Variants in KCNH2 observed in about 807,000 individuals in gnomAD.
KCNH2 encodes the protein potassium voltage-gated channel subfamily H member 2, also known as voltage-gated inwardly rectifying potassium channel KCNH2.
In KCNH2, 35 loss-of-function variants were observed where a neutral mutation model predicts 95.9. That is an observed-to-expected ratio of 0.37 (90% CI 0.28 to 0.48). KCNH2 has a LOEUF of 0.48. Among genes scored for constraint, KCNH2 ranks in the 20% least tolerant of loss-of-function variants. The pLI, the probability that KCNH2 is intolerant of heterozygous loss-of-function variation, is 0.99. For synonymous variants in KCNH2, 786 were observed against 754.7 expected (o/e 1.04, Z -0.68); for missense variants, 1,274 against 1,702.9 (o/e 0.75, Z 4.43).
chr7:150,959,273 C>A (rs554372972), intron 3 of KCNH2, among the ~76,000 whole-genome samples: 1 of 152,128 alleles, frequency 6.6e-6, no homozygotes, highest in Admixed American at 6.5e-5. Context: ...GAGAGAGGAC[C>A]GCTCCCAGGG....
At chr7:150,948,584 C>T (rs1259970971) in intron 10 of KCNH2, 41 bp from the exon 11 acceptor site, 1 of 1,552,222 alleles carries the variant, frequency 6.4e-7, no homozygotes, top group South Asian at 1.1e-5. Flanking sequence ...CAGTGCTCTC[C>T]TGCCCCACCG....
At chr7:150,951,286 C>T in intron 7 of KCNH2, 162 bp downstream of exon 7, 4 of 1,073,020 alleles carry the variant, frequency 3.7e-6, no homozygotes, top group Non-Finnish European at 5.5e-6. Context: ...CTTCAGTAGT[C>T]CCCGCCCTGG....
chr7:150,946,821 TG>T lies in KCNH2; in HGVS notation c.3330+55del. On this transcript the variant is annotated intron_variant, in intron 14 of 14. Coordinates refer to ENST00000262186, the MANE Select transcript of KCNH2 (RefSeq NM_000238.4). This position sits in a 1 kb window ranked among gnomAD's most constrained non-coding sequence, Gnocchi z 6.5. ...GAAAGGCAGCAAAGCAGGTTTGGGCTGGAATCGGGGAACAAGCGGGTCACGG... is the reference window on the plus strand; with the variant it reads ...GAAAGGCAGCAAAGCAGGTTTGGGCTGAATCGGGGAACAAGCGGGTCACGG... 6.6e-7 allele frequency: 1 copy of T among 1,516,642 alleles called. No homozygotes were observed. The highest frequency in any genetic ancestry group is 9.0e-7 in the Non-Finnish European group (1 of 1,109,060). 93.9% of individuals were successfully genotyped at this position (1,516,642 alleles called of 1,614,324 possible). A position where few individuals can be genotyped will look rare whatever the true frequency, so the allele number is the denominator to read the frequency against.
chr7:150,950,780 G>A, intron 8 of KCNH2, 141 bp downstream of exon 8: 1 of 898,896 alleles, frequency 1.1e-6, no homozygotes, highest in East Asian at 2.6e-5. Context: ...TTTCCTCATG[G>A]GCAAAAAGGG....
Position 150,955,403 on chromosome 7 carries a change from G to A in KCNH2, c.1128+1888C>T, listed in dbSNP as rs1031478932. The A allele has an allele frequency of 1.3e-6, 2 of 1,559,254 alleles. No homozygotes were observed. Among genetic ancestry groups the A allele is most frequent in the Admixed American group, 1.9e-5 (1 of 52,686 alleles). ...GGACCGGGTGTCACCTACCTCCTGG[G>A]CCACGAGGCTGGAGATGCGCACGGC... On this transcript the variant is annotated intron_variant, in intron 5 of 14. Transcript: ENST00000262186.
Position 150,961,438 on chromosome 7 carries a change from C to T in KCNH2, c.308-1702G>A, listed in dbSNP as rs1801564592. 6.6e-6 allele frequency among the ~76,000 whole-genome samples: 1 copy of T among 152,134 alleles called. No individual in the cohort carries two copies. Among genetic ancestry groups the T allele is most frequent in the African/African-American group, 2.4e-5 (1 of 41,396 alleles). On this transcript the variant is annotated intron_variant, in intron 2 of 14. Transcript: ENST00000262186. This position sits in a 1 kb window ranked among gnomAD's most constrained non-coding sequence, Gnocchi z 6.2. ...TCAGCCTCCCAAGTAGCTGGGACTA[C>T]AGCTGCATGCTACCACACCCAGCTA...
intron 9 of KCNH2, 135 bp from the exon 10 acceptor site, chr7:150,949,184 C>A: frequency 9.0e-7 from 1 of 1,105,240 alleles, no homozygotes; most frequent in Non-Finnish European, 1.3e-6. Flanking sequence ...GCCCCCAACC[C>A]ACACAACCGG....
At position 150,961,823 on chromosome 7, in the gene KCNH2, T is replaced by A. The variant is rs985016508; in HGVS notation, c.308-2087A>T. Among the ~76,000 whole-genome samples the A allele has an allele frequency of 6.6e-6, 1 of 151,960 alleles. No individual in the cohort carries two copies. The highest frequency in any genetic ancestry group is 6.6e-5 in the Admixed American group (1 of 15,262). The stretch of plus-strand genomic sequence containing the variant: ...CTGGGGAGGCAGGGAGCAGGCCAGG[T>A]GGGAAGGGCCTGATGCATGGCAGAT... On this transcript the variant is annotated intron_variant, in intron 2 of 14. Transcript: ENST00000262186. The surrounding 1 kb of genome is among the most constrained non-coding windows in gnomAD (Gnocchi z 6.2).
At chr7:150,949,990 G>C (rs41314366) in intron 9 of KCNH2, 178 bp downstream of exon 9, 1 of 1,553,936 alleles carries the variant, frequency 6.4e-7, no homozygotes, top group African/African-American at 1.4e-5. Flanking sequence ...CTCACCCCAC[G>C]TGGGGCTCCT....
chr7:150,971,431 T>G (rs1319912095), intron 2 of KCNH2, among the ~76,000 whole-genome samples: 1 of 152,096 alleles, frequency 6.6e-6, no homozygotes, highest in Non-Finnish European at 1.5e-5. Context: ...GCAACTGGCC[T>G]GCAGCTGGAG....
chr7:150,966,236 G>C (rs868609058), intron 2 of KCNH2, among the ~76,000 whole-genome samples: 4 of 152,224 alleles, frequency 2.6e-5, no homozygotes, highest in Non-Finnish European at 5.9e-5. Context: ...TGAGTGGCCT[G>C]TAGGCTTCTA....
At position 150,958,101 on chromosome 7, in the gene KCNH2, G is replaced by A. The variant is rs1196644896; in HGVS notation, c.874C>T (p.Arg292Cys). The A allele has an allele frequency of 2.3e-6, 3 of 1,289,658 alleles. No individual in the cohort carries two copies. Among genetic ancestry groups the A allele is most frequent in the Non-Finnish European group, 2.9e-6 (3 of 1,022,872 alleles). The allele number at this position is 1,289,658 out of a possible 1,614,324, so 79.9% of individuals were successfully genotyped here. ...ASSADDIEAM[R>C]AGVLPPPPRH... is the part of the protein sequence containing the mutation. ...GGTGGCGGGGGCAGCACCCCGGCGC[G>A]CATGGCCTCGATGTCGTCGGCCGAC... Residue 292 changes from arginine to cysteine, a missense_variant, in exon 4 of 15, where the codon CGC (arginine) becomes TGC (cysteine). Physicochemically the swap from Arg to Cys is radical, Grantham distance 180. This residue lies in a region of KCNH2 where 392 missense variants were observed against 429.9 expected (regional missense o/e 0.91). Transcript: ENST00000262186.
At chr7:150,974,645 C>T in intron 2 of KCNH2, 66 bp downstream of exon 2, 1 of 1,293,968 alleles carries the variant, frequency 7.7e-7, no homozygotes, top group South Asian at 1.3e-5. Context: ...GCACCCTGCC[C>T]CTCGCCGTGG....
Position 150,948,643 on chromosome 7 carries a change from C to T in KCNH2, c.2593-100G>A, listed in dbSNP as rs190900094. On this transcript the variant is annotated intron_variant, in intron 10 of 14. Transcript: ENST00000262186. ...TTAACACAGAAAAAGTAGGGCTGGGCGCCCCAGCTCTGGGAAAACCCTTCC... is the reference window on the plus strand; with the variant it reads ...TTAACACAGAAAAAGTAGGGCTGGGTGCCCCAGCTCTGGGAAAACCCTTCC... 4.2e-4 allele frequency: 513 copies of T among 1,224,624 alleles called. 6 individuals are homozygous for T. Among genetic ancestry groups the T allele is most frequent in the South Asian group, 8.7e-5 (7 of 80,874 alleles). 75.9% of individuals were successfully genotyped at this position (1,224,624 alleles called of 1,614,324 possible).
In KCNH2 at chr7:150,948,412, GCCCTCCCCCTTCCTCCCCT is replaced by G; in HGVS notation, c.2692+13_2692+31del. On this transcript the variant is annotated intron_variant, in intron 11 of 14. Coordinates refer to ENST00000262186, the MANE Select transcript of KCNH2 (RefSeq NM_000238.4). ...CAGCTCCCAGCCTCACCTTGTCCCC[GCCCTCCCCCTTCCTCCCCT>G]CCCCCGCCTCACCCTTGTCCGTGCG... is the stretch of plus-strand genomic sequence containing the variant. The G allele has an allele frequency of 5.0e-6, 2 of 398,306 alleles. No homozygotes were observed. Among genetic ancestry groups the G allele is most frequent in the Non-Finnish European group, 8.8e-6 (2 of 226,578 alleles). The allele number at this position is 398,306 out of a possible 1,614,324, so 24.7% of individuals were successfully genotyped here. A position where few individuals can be genotyped will look rare whatever the true frequency, so the allele number is the denominator to read the frequency against.
chr7:150,960,558 A>G (rs1801538084), intron 2 of KCNH2, among the ~76,000 whole-genome samples: 2 of 152,204 alleles, frequency 1.3e-5, no homozygotes, highest in Admixed American at 1.3e-4. Context: ...AAGAATTTCA[A>G]AAACTTTACA....
chr7:150,971,293 G>T (rs577229085), intron 2 of KCNH2, among the ~76,000 whole-genome samples: 2 of 152,150 alleles, frequency 1.3e-5, no homozygotes, highest in Non-Finnish European at 2.9e-5. Flanking sequence ...CCCACTGGGC[G>T]TGGGGCCACC....
Position 150,958,190 on chromosome 7 carries a change from C to A in KCNH2, c.785G>T (p.Gly262Val). The change falls in exon 4 of 15, where the codon GGC (glycine) becomes GTC (valine). Residue 262 changes from glycine (G) to valine (V), a missense_variant. Coordinates refer to ENST00000262186, the MANE Select transcript of KCNH2 (RefSeq NM_000238.4). ...RAHSLNPDAS[G>V]SSCSLARTRS... ...CGTCCGGGCCAGGCTGCAGCTGGAG[C>A]CCGAGGCGTCGGGGTTGAGGCTGTG... 7.4e-7 allele frequency: 1 copy of A among 1,360,178 alleles called. No individual in the cohort carries two copies. The allele number at this position is 1,360,178 out of a possible 1,614,324, so 84.3% of individuals were successfully genotyped here. A position where few individuals can be genotyped will look rare whatever the true frequency, so the allele number is the denominator to read the frequency against.
At position 150,951,821 on chromosome 7, in the gene KCNH2, C is replaced by T. The variant is rs372089646; in HGVS notation, c.1572G>A (p.Leu524=). 4.5e-5 allele frequency: 71 copies of T among 1,579,904 alleles called. No individual in the cohort carries two copies. In the Middle Eastern group the frequency reaches 1.2e-3, roughly 26 times the overall value. Reference sequence around the variant, plus strand: ...CCAGCCGCAGCAGCCGCGCAGTCTTCAGCAGCCCGATCAGCTGGGGGACAG... The same window carrying T: ...CCAGCCGCAGCAGCCGCGCAGTCTTTAGCAGCCCGATCAGCTGGGGGACAG... ...GSGSEELIGL[L]KTARLLRLVR... is the part of the protein sequence containing the mutation. The change falls in exon 7 of 15, where the codon CTG becomes CTA. Residue 524 remains leucine (L), a synonymous_variant. Coordinates refer to ENST00000262186, the MANE Select transcript of KCNH2 (RefSeq NM_000238.4).
Sources: allele counts gnomAD v4.1 joint callset (sites outside exome capture counted in the v4.1 genomes callset), GRCh38; gene constraint gnomAD v4.1.1; regional missense constraint gnomAD v4.1.1; non-coding constraint Gnocchi (gnomAD v3.1); transcripts MANE v1.5; gene names NCBI Gene and HGNC (gene_info 2026-07-23, HGNC 2026-07-21).